Variants in SNTG1 observed in about 807,000 individuals in gnomAD.
SNTG1 encodes syntrophin gamma 1.
Under a neutral mutation model 74.7 loss-of-function variants are expected in SNTG1, and 39 were observed. The observed-to-expected ratio is 0.52, with a 90% CI of 0.40 to 0.68. The LOEUF is 0.68. Ranked by LOEUF, SNTG1 falls within the 30% of genes least tolerant of loss-of-function variation. The pLI, the probability that SNTG1 is intolerant of heterozygous loss-of-function variation, is 0.00. For synonymous variants in SNTG1, 254 were observed against 217.1 expected (o/e 1.17, Z -1.49); for missense variants, 685 against 609.5 (o/e 1.12, Z -1.30).
At chr8:50,445,635 C>T (rs1259265986) in intron 5 of SNTG1, among the ~76,000 whole-genome samples, 6 of 152,260 alleles carry the variant, frequency 3.9e-5, no homozygotes, top group African/African-American at 1.2e-4. Flanking sequence ...GATGTATGTG[C>T]GAACATTACC....
chr8:50,634,437 G>A (rs565053197), intron 13 of SNTG1, among the ~76,000 whole-genome samples: 2 of 152,204 alleles, frequency 1.3e-5, no homozygotes, highest in African/African-American at 2.4e-5. Flanking sequence ...CTTTTCAAAC[G>A]TGATTTTTCA....
chr8:49,924,461 A>G (rs759033076), intron 1 of SNTG1, among the ~76,000 whole-genome samples: 1 of 152,168 alleles, frequency 6.6e-6, no homozygotes, highest in Non-Finnish European at 1.5e-5. Flanking sequence ...AGAATAATGC[A>G]GTAAAAATTT....
chr8:49,929,074 A>T (rs1352178579), intron 1 of SNTG1, among the ~76,000 whole-genome samples: 3 of 152,194 alleles, frequency 2.0e-5, no homozygotes, highest in Admixed American at 6.5e-5. Flanking sequence ...ATGTGAACAA[A>T]TTATGGTAGG....
chr8:50,733,017 G>A (rs1217692081), intron 17 of SNTG1, among the ~76,000 whole-genome samples: 1 of 151,826 alleles, frequency 6.6e-6, no homozygotes, highest in Non-Finnish European at 1.5e-5. Flanking sequence ...TGAGATTCAA[G>A]GTATGGATCC....
intron 1 of SNTG1, among the ~76,000 whole-genome samples, chr8:49,952,061 G>T (rs531328358): frequency 2.6e-5 from 4 of 151,972 alleles, no homozygotes; most frequent in Admixed American, 2.0e-4. Flanking sequence ...CCTGGGGAAA[G>T]CTTTCTGCAA....
intron 1 of SNTG1, among the ~76,000 whole-genome samples, chr8:49,983,002 G>C (rs1184431823): frequency 6.6e-6 from 1 of 152,182 alleles, no homozygotes; most frequent in Non-Finnish European, 1.5e-5. Flanking sequence ...AAAGGCTACA[G>C]TGCTTGTCTA....
chr8:50,635,669 G>A (rs2095034602), intron 13 of SNTG1, among the ~76,000 whole-genome samples: 1 of 152,114 alleles, frequency 6.6e-6, no homozygotes, highest in African/African-American at 2.4e-5. Flanking sequence ...ATGCTGCCAG[G>A]CCTGGGACTC....
chr8:50,707,072 A>G (rs1285203280), intron 16 of SNTG1, among the ~76,000 whole-genome samples: 1 of 152,064 alleles, frequency 6.6e-6, no homozygotes, highest in Non-Finnish European at 1.5e-5. Context: ...TATTAATATT[A>G]TAAATGATAG....
chr8:50,172,719 A>G (rs2131660117), intron 2 of SNTG1, 84 bp downstream of exon 2: 1 of 150,732 alleles, frequency 6.6e-6, no homozygotes, highest in African/African-American at 2.4e-5. Flanking sequence ...CTAAGAGACA[A>G]TTGTTTTCTT....
chr8:50,457,421 C>A (rs2093516379), intron 8 of SNTG1, among the ~76,000 whole-genome samples: 1 of 152,142 alleles, frequency 6.6e-6, no homozygotes, highest in Non-Finnish European at 1.5e-5. Context: ...TTTCCGAATT[C>A]TCTATCAAAA....
intron 4 of SNTG1, among the ~76,000 whole-genome samples, chr8:50,433,350 C>G (rs1172289247): frequency 6.6e-6 from 1 of 152,126 alleles, no homozygotes; most frequent in African/African-American, 2.4e-5. Flanking sequence ...TATTTCATCA[C>G]TGCGCTAGCT....
At chr8:50,465,200 C>T (rs1211044302) in intron 8 of SNTG1, among the ~76,000 whole-genome samples, 2 of 152,118 alleles carry the variant, frequency 1.3e-5, no homozygotes. Context: ...TCATCTCATT[C>T]TAACAAATGG....
chr8:50,354,489 T>C (rs564300094), intron 2 of SNTG1, among the ~76,000 whole-genome samples: 15 of 152,186 alleles, frequency 9.9e-5, no homozygotes, highest in Non-Finnish European at 1.6e-4. Context: ...TTGCGTGTAG[T>C]AGTTAAAATT....
At chr8:50,246,741 G>T (rs1034059192) in intron 2 of SNTG1, among the ~76,000 whole-genome samples, 1 of 152,106 alleles carries the variant, frequency 6.6e-6, no homozygotes, top group African/African-American at 2.4e-5. Context: ...ATGGTAGGAA[G>T]ATATCATGAT....
intron 1 of SNTG1, among the ~76,000 whole-genome samples, chr8:50,037,407 G>A (rs1490276021): frequency 1.3e-5 from 2 of 152,146 alleles, no homozygotes; most frequent in African/African-American, 4.8e-5. Context: ...AATGATGCCA[G>A]CCTGTGAACC....
chr8:50,555,489 A>G (rs940480148), intron 12 of SNTG1, among the ~76,000 whole-genome samples: 20 of 152,216 alleles, frequency 1.3e-4, no homozygotes, highest in African/African-American at 4.8e-4. Flanking sequence ...AATTAGGCAG[A>G]AAGAGTAGCT....
chr8:50,099,756 C>T (rs1304772816), intron 1 of SNTG1, among the ~76,000 whole-genome samples: 1 of 152,114 alleles, frequency 6.6e-6, no homozygotes, highest in African/African-American at 2.4e-5. Flanking sequence ...AACATTTTCT[C>T]ATAAATCTGT....
At chr8:50,036,639 A>C (rs187954029) in intron 1 of SNTG1, among the ~76,000 whole-genome samples, 73 of 152,348 alleles carry the variant, frequency 4.8e-4, no homozygotes, top group African/African-American at 1.7e-3. Flanking sequence ...TGTCTAGTCC[A>C]TGTAAACAGA....
At chr8:50,588,747 T>G (rs1303042807) in intron 12 of SNTG1, among the ~76,000 whole-genome samples, 2 of 152,186 alleles carry the variant, frequency 1.3e-5, no homozygotes, top group African/African-American at 2.4e-5. Context: ...GTTATGATGA[T>G]ATCATTTGAC....
Sources: gnomAD v4.1 joint callset for allele counts (sites outside exome capture counted in the v4.1 genomes callset) on GRCh38, gnomAD v4.1.1 for gene constraint, MANE v1.5 for transcripts, NCBI Gene and HGNC (gene_info 2026-07-23, HGNC 2026-07-21) for gene names.